Variants in SPINT4 observed in about 807,000 individuals in gnomAD.
SPINT4 encodes the protein serine peptidase inhibitor, Kunitz type 4, also known as kunitz-type protease inhibitor 4.
SPINT4 carries 7 observed loss-of-function variants against 9.4 expected under a neutral mutation model. That is an observed-to-expected ratio of 0.74 (90% CI 0.42 to 1.40). The LOEUF (loss-of-function observed/expected upper bound fraction) is 1.40. Among genes scored for constraint, SPINT4 ranks in the 40% most tolerant of loss-of-function variants. The probability of loss-of-function intolerance (pLI) is 0.01; values close to 1 mark genes in which losing one functional copy is unlikely to be tolerated. For missense variants in SPINT4, 105 were observed against 114.4 expected (o/e 0.92, Z 0.37); for synonymous variants, 36 against 39.9 (o/e 0.90, Z 0.37).
rs1391836540 is a variant in SPINT4 at position 45,725,516 on chromosome 20, T to C, written c.294-113T>C. On this transcript the variant is annotated intron_variant, in intron 2 of 2. Transcript: ENST00000279058. Reference sequence around the variant, plus strand: ...CAATAAAATAAGGGAAACATTGAGATAGAAGGCATCCTCTGTGCTTTCCCT... The same window carrying C: ...CAATAAAATAAGGGAAACATTGAGACAGAAGGCATCCTCTGTGCTTTCCCT... The C allele has an allele frequency of 6.6e-6, 7 of 1,057,326 alleles. 1 individual carries two copies. The highest frequency in any genetic ancestry group is 3.9e-5 in the South Asian group (3 of 76,864). The allele number at this position is 1,057,326 out of a possible 1,614,324, so 65.5% of individuals were successfully genotyped here. A position where few individuals can be genotyped will look rare whatever the true frequency, so the allele number is the denominator to read the frequency against.
At position 45,725,486 on chromosome 20, in the gene SPINT4, T is replaced by C. The variant is rs1978355096; in HGVS notation, c.294-143T>C. 5 of 851,190 alleles carry C rather than the reference T, an allele frequency of 5.9e-6. 1 individual carries two copies. The Admixed American group carries it at 6.0e-5, about 10-fold the overall frequency. 52.7% of individuals were successfully genotyped at this position (851,190 alleles called of 1,614,324 possible). A position where few individuals can be genotyped will look rare whatever the true frequency, so the allele number is the denominator to read the frequency against. On this transcript the variant is annotated intron_variant, in intron 2 of 2. Transcript: ENST00000279058. ...GTTAAGTGAATGAAAAAGTGAAAGA[T>C]TAATCAATAAAATAAGGGAAACATT...
chr20:45,724,160 T>C (rs915424716), intron 2 of SPINT4, 103 bp downstream of exon 2: 3 of 1,259,284 alleles, frequency 2.4e-6, no homozygotes, highest in Non-Finnish European at 3.3e-6. Context: ...TTGCTTGGAG[T>C]GGGAAGAGGG....
intron 1 of SPINT4, among the ~76,000 whole-genome samples, chr20:45,723,539 G>A (rs1358652307): frequency 1.3e-5 from 2 of 152,122 alleles, no homozygotes; most frequent in Non-Finnish European, 2.9e-5. Flanking sequence ...ATGTGGGGAA[G>A]CAGGAGGATA....
rs1006384020 is a variant in SPINT4 at position 45,722,467 on chromosome 20, T to C, written c.100T>C (p.Cys34Arg). Residue 34 changes from cysteine (C) to arginine (R), a missense_variant, in exon 1 of 3, where the codon TGT (cysteine) becomes CGT (arginine). Cys to Arg is a radical substitution (Grantham distance 180). Coordinates refer to ENST00000279058, the MANE Select transcript of SPINT4 (RefSeq NM_178455.3). ...GGVNKIAEKICGDLKDPCKLD... is the reference protein window; with the variant it reads ...GGVNKIAEKIRGDLKDPCKLD... ...TGTTAATAAAATTGCGGAGAAGATATGTGGAGACCTCAAAGGTATGAAGCT... is the reference window on the plus strand; with the variant it reads ...TGTTAATAAAATTGCGGAGAAGATACGTGGAGACCTCAAAGGTATGAAGCT... The C allele has an allele frequency of 1.1e-5, 18 of 1,608,542 alleles. No homozygotes were observed. The highest frequency in any genetic ancestry group is 4.5e-5 in the East Asian group (2 of 44,892).
chr20:45,725,013 T>TATATACACACATATATATATATACAC (rs57013944), intron 2 of SPINT4, among the ~76,000 whole-genome samples: 1 of 49,522 alleles, frequency 2.0e-5, no homozygotes, highest in African/African-American at 1.5e-4. Flanking sequence ...TATATATATA[T>TATATACACACATATATATATATACAC]ATATATATAT....
Position 45,723,961 on chromosome 20 carries a change from G to A in SPINT4, c.197G>A (p.Cys66Tyr). 1.2e-6 allele frequency: 2 copies of A among 1,608,928 alleles called. No homozygotes were observed. The highest frequency in any genetic ancestry group is 1.7e-6 in the Non-Finnish European group (2 of 1,178,600). ...RYFYNRTSKR[C>Y]ETFVFSGCNG... Reference sequence around the variant, plus strand: ...TTCTACAACAGAACCTCCAAAAGATGTGAAACTTTTGTCTTCTCCGGCTGT... The same window carrying A: ...TTCTACAACAGAACCTCCAAAAGATATGAAACTTTTGTCTTCTCCGGCTGT... The change falls in exon 2 of 3, where the codon TGT (cysteine) becomes TAT (tyrosine). Residue 66 changes from cysteine (C) to tyrosine (Y), a missense_variant. Cys to Tyr is a radical substitution (Grantham distance 194). Coordinates refer to ENST00000279058, the MANE Select transcript of SPINT4 (RefSeq NM_178455.3).
chr20:45,724,979 C>CAAAAA lies in SPINT4; in HGVS notation c.294-637_294-633dup, dbSNP rs1168670011. ...TGGGAGACAAAGTGAGACTCCATCT[C>CAAAAA]AAAAAAAAAAAAAAAAATATATATA... On this transcript the variant is annotated intron_variant, in intron 2 of 2. Transcript: ENST00000279058. 3.7e-3 allele frequency among the ~76,000 whole-genome samples: 100 copies of CAAAAA among 27,172 alleles called. 28 individuals are homozygous for CAAAAA. Among genetic ancestry groups the CAAAAA allele is most frequent in the African/African-American group, 0.02 (71 of 3,474 alleles). 17.8% of individuals were successfully genotyped at this position (27,172 alleles called of 152,430 possible).
intron 2 of SPINT4, among the ~76,000 whole-genome samples, chr20:45,725,421 A>T (rs896656590): frequency 6.6e-6 from 1 of 152,040 alleles, no homozygotes; most frequent in South Asian, 2.1e-4. Context: ...TTCCTAGTGG[A>T]TCTTTTCAGT....
intron 2 of SPINT4, among the ~76,000 whole-genome samples, chr20:45,725,209 T>G (rs1326569454): frequency 6.6e-6 from 1 of 151,082 alleles, no homozygotes; most frequent in Admixed American, 6.6e-5. Context: ...TCTTGCACTC[T>G]CATACCTTTG....
intron 1 of SPINT4, among the ~76,000 whole-genome samples, chr20:45,723,307 C>T (rs1984845978): frequency 2.6e-5 from 4 of 152,054 alleles, no homozygotes; most frequent in Admixed American, 6.6e-5. Context: ...GGGTTTGCCT[C>T]TGAGAAGGCA....
At position 45,725,777 on chromosome 20, in the gene SPINT4, G is replaced by A; in HGVS notation, c.*142G>A. On this transcript the variant is annotated 3_prime_UTR_variant, in exon 3 of 3. Coordinates refer to ENST00000279058, the MANE Select transcript of SPINT4 (RefSeq NM_178455.3). ...TTGCTATTTTCCTGACCCTAGTTTT[G>A]TCTTTCCTGGAAATTAACTGTATGA... is the stretch of plus-strand genomic sequence containing the variant. 1 of 1,070,328 alleles carries A rather than the reference G, an allele frequency of 9.3e-7. No homozygotes were observed. Among genetic ancestry groups the A allele is most frequent in the Non-Finnish European group, 1.4e-6 (1 of 708,362 alleles). 66.3% of individuals were successfully genotyped at this position (1,070,328 alleles called of 1,614,324 possible).
chr20:45,723,857 C>T (rs753405152), intron 1 of SPINT4, 23 bp from the exon 2 acceptor site: 1 of 1,539,904 alleles, frequency 6.5e-7, no homozygotes, highest in Non-Finnish European at 8.7e-7. Flanking sequence ...TTCCCACTAA[C>T]TCAATGGGAA....
intron 2 of SPINT4, among the ~76,000 whole-genome samples, chr20:45,724,979 C>CAAA (rs1168670011): frequency 0.029 from 786 of 27,098 alleles, 197 homozygotes; most frequent in Middle Eastern, 0.088. Context: ...GACTCCATCT[C>CAAA]AAAAAAAAAA....
rs757456213 is a variant in SPINT4, at chr20:45,724,091, G to A, written c.293+34G>A. On this transcript the variant is annotated intron_variant, in intron 2 of 2. Coordinates refer to ENST00000279058, the MANE Select transcript of SPINT4 (RefSeq NM_178455.3). ...TCTAATCCTGTCCTTGGTCCTTGGG[G>A]GTAGTAAAAGAAGAGGTTTTGACAT... is the stretch of plus-strand genomic sequence containing the variant. 8 of 1,566,838 alleles carry A rather than the reference G, an allele frequency of 5.1e-6. No individual in the cohort carries two copies. In the East Asian group the frequency reaches 7.0e-5, roughly 14 times the overall value.
At position 45,723,962 on chromosome 20, in the gene SPINT4, T is replaced by C; in HGVS notation, c.198T>C (p.Cys66=). The stretch of plus-strand genomic sequence containing the variant: ...TCTACAACAGAACCTCCAAAAGATG[T>C]GAAACTTTTGTCTTCTCCGGCTGTA... ...RYFYNRTSKR[C]ETFVFSGCNG... Residue 66 remains cysteine, a synonymous_variant, in exon 2 of 3, where the codon TGT becomes TGC. Coordinates refer to ENST00000279058, the MANE Select transcript of SPINT4 (RefSeq NM_178455.3). 6.2e-7 allele frequency: 1 copy of C among 1,609,018 alleles called. No homozygotes were observed. Among genetic ancestry groups the C allele is most frequent in the Non-Finnish European group, 8.5e-7 (1 of 1,178,648 alleles).
At position 45,723,935 on chromosome 20, in the gene SPINT4, T is replaced by C; in HGVS notation, c.171T>C (p.Tyr57=). The C allele has an allele frequency of 7.5e-6, 12 of 1,606,466 alleles. No homozygotes were observed. The highest frequency in any genetic ancestry group is 1.0e-5 in the Non-Finnish European group (12 of 1,178,166). The change falls in exon 2 of 3, where the codon TAT becomes TAC. Residue 57 remains tyrosine (Y), a synonymous_variant. Coordinates refer to ENST00000279058, the MANE Select transcript of SPINT4 (RefSeq NM_178455.3). ...FGSCYEVHFR[Y]FYNRTSKRCE... is the part of the protein sequence containing the mutation. ...GCTGCTATGAAGTTCACTTTAGATA[T>C]TTCTACAACAGAACCTCCAAAAGAT...
intron 2 of SPINT4, 38 bp from the exon 3 acceptor site, chr20:45,725,591 A>G: frequency 6.2e-7 from 1 of 1,613,274 alleles, no homozygotes; most frequent in Non-Finnish European, 8.5e-7. Flanking sequence ...AAAAACCTGT[A>G]ACACCGATTT....
In SPINT4 at chr20:45,725,642, G is replaced by A. The variant is rs200939282; in HGVS notation, c.*7G>A. 3 of 1,613,772 alleles carry A rather than the reference G, an allele frequency of 1.9e-6. No homozygotes were observed. Among genetic ancestry groups the A allele is most frequent in the Non-Finnish European group, 2.5e-6 (3 of 1,179,710 alleles). ...TTGCTTAAACAGGAGGTGAGAGGAT[G>A]TGAACTCATGAAGTTGTCTGCTGCA... On this transcript the variant is annotated 3_prime_UTR_variant, in exon 3 of 3. Coordinates refer to ENST00000279058, the MANE Select transcript of SPINT4 (RefSeq NM_178455.3).
intron 2 of SPINT4, 68 bp from the exon 3 acceptor site, chr20:45,725,561 A>G: frequency 9.5e-6 from 15 of 1,579,340 alleles, no homozygotes; most frequent in Non-Finnish European, 1.0e-5. Flanking sequence ...AATGACCTGC[A>G]TTAATCCAGG....
Sources: gnomAD v4.1 joint callset for allele counts (sites outside exome capture counted in the v4.1 genomes callset) on GRCh38, gnomAD v4.1.1 for gene constraint, MANE v1.5 for transcripts, NCBI Gene and HGNC (gene_info 2026-07-23, HGNC 2026-07-21) for gene names.